Variants in COL14A1 observed in about 807,000 individuals in gnomAD.
COL14A1 encodes collagen alpha-1(XIV) chain.
A neutral mutation model predicts 230.3 loss-of-function variants in COL14A1; 136 were observed. That is an observed-to-expected ratio of 0.59 (90% confidence interval 0.51 to 0.68). The LOEUF is 0.68. Among genes scored for constraint, COL14A1 ranks in the 30% least tolerant of loss-of-function variants. The pLI is 0.00. For synonymous variants in COL14A1, 792 were observed against 784.1 expected (o/e 1.01, Z -0.17); for missense variants, 1,976 against 2,215.8 (o/e 0.89, Z 2.17).
At chr8:120,245,396 G>A (rs189698794) in intron 20 of COL14A1, among the ~76,000 whole-genome samples, 17 of 152,234 alleles carry the variant, frequency 1.1e-4, no homozygotes, top group East Asian at 7.7e-4. Flanking sequence ...CAGAGGAGGC[G>A]TCATGCAACG....
At chr8:120,136,584 TA>T (rs958760388) in intron 1 of COL14A1, among the ~76,000 whole-genome samples, 34 of 152,166 alleles carry the variant, frequency 2.2e-4, no homozygotes, top group Non-Finnish European at 1.0e-4. Context: ...TATTTGATAA[TA>T]TTTTGTGAAA....
intron 42 of COL14A1, among the ~76,000 whole-genome samples, chr8:120,333,962 C>A (rs552907461): frequency 2.7e-4 from 41 of 152,286 alleles, no homozygotes; most frequent in African/African-American, 9.9e-4. Flanking sequence ...TAGATAATTC[C>A]CAGATCCTTA....
intron 5 of COL14A1, among the ~76,000 whole-genome samples, chr8:120,193,158 T>C (rs929180394): frequency 9.2e-5 from 14 of 152,232 alleles, no homozygotes; most frequent in Admixed American, 9.2e-4. Flanking sequence ...TGCTCTGTTT[T>C]TTCCCCATCT....
chr8:120,329,695 C>T (rs1821803856), intron 40 of COL14A1, among the ~76,000 whole-genome samples: 1 of 152,006 alleles, frequency 6.6e-6, no homozygotes, highest in South Asian at 2.1e-4. Flanking sequence ...TGTGTGTGTG[C>T]AAAGTAATCT....
At chr8:120,302,968 G>A (rs1820761727) in intron 36 of COL14A1, among the ~76,000 whole-genome samples, 1 of 152,132 alleles carries the variant, frequency 6.6e-6, no homozygotes, top group East Asian at 1.9e-4. Flanking sequence ...CTAGTTAGCT[G>A]TATTCCTAGG....
intron 14 of COL14A1, among the ~76,000 whole-genome samples, chr8:120,221,400 G>A (rs957340913): frequency 6.6e-6 from 1 of 151,938 alleles, no homozygotes; most frequent in African/African-American, 2.4e-5. Flanking sequence ...GGGACTAATC[G>A]TTTAAAACAT....
intron 37 of COL14A1, among the ~76,000 whole-genome samples, chr8:120,312,779 C>T (rs2130098320): frequency 6.6e-6 from 1 of 152,242 alleles, no homozygotes; most frequent in Non-Finnish European, 1.5e-5. Flanking sequence ...CATTATCTAC[C>T]CACACTTTAC....
At chr8:120,282,340 C>T (rs970165177) in intron 31 of COL14A1, among the ~76,000 whole-genome samples, 9 of 152,170 alleles carry the variant, frequency 5.9e-5, no homozygotes, top group Non-Finnish European at 1.0e-4. Flanking sequence ...CAGACTCGCA[C>T]GCTAATATCC....
At chr8:120,246,465 T>C (rs912709371) in intron 20 of COL14A1, among the ~76,000 whole-genome samples, 2 of 150,598 alleles carry the variant, frequency 1.3e-5, no homozygotes, top group Non-Finnish European at 2.9e-5. Context: ...CATATGTTGG[T>C]ATGTTGCTGC....
chr8:120,216,311 T>A, intron 13 of COL14A1, 40 bp from the exon 14 acceptor site: 1 of 1,562,488 alleles, frequency 6.4e-7, no homozygotes, highest in Non-Finnish European at 8.7e-7. Flanking sequence ...ATGTATGTAA[T>A]TTGACATTTT....
intron 2 of COL14A1, among the ~76,000 whole-genome samples, chr8:120,151,877 C>T (rs1390683008): frequency 3.3e-5 from 5 of 152,080 alleles, no homozygotes; most frequent in Non-Finnish European, 4.4e-5. Flanking sequence ...GGAGATAGGG[C>T]AGCCAGTGTC....
chr8:120,177,603 C>A, intron 5 of COL14A1, among the ~76,000 whole-genome samples: 1 of 137,360 alleles, frequency 7.3e-6, no homozygotes, highest in African/African-American at 2.7e-5. Flanking sequence ...GAGCTGAGAT[C>A]GTGCCACTGC....
chr8:120,184,654 G>A (rs1322505586), intron 5 of COL14A1, among the ~76,000 whole-genome samples: 1 of 152,162 alleles, frequency 6.6e-6, no homozygotes, highest in Admixed American at 6.5e-5. Context: ...TGACCATGTA[G>A]TTTCAGTTCA....
intron 15 of COL14A1, 38 bp from the exon 16 acceptor site, chr8:120,226,589 C>T (rs1162148448): frequency 1.9e-6 from 3 of 1,609,302 alleles, no homozygotes; most frequent in East Asian, 2.2e-5. Flanking sequence ...TTCTTGCCTT[C>T]TCATTTCCCT....
chr8:120,362,677 G>A (rs78382705), intron 45 of COL14A1, among the ~76,000 whole-genome samples: 2 of 152,128 alleles, frequency 1.3e-5, no homozygotes, highest in African/African-American at 4.8e-5. Context: ...TGTACAATGA[G>A]CAAGGCTATG....
chr8:120,363,089 C>A (rs1586900120), intron 45 of COL14A1, among the ~76,000 whole-genome samples: 1 of 152,242 alleles, frequency 6.6e-6, no homozygotes. Context: ...AAGCTTCAGC[C>A]TAAGGAATTT....
At chr8:120,247,552 T>G in intron 20 of COL14A1, 61 bp from the exon 21 acceptor site, 1 of 1,530,968 alleles carries the variant, frequency 6.5e-7, no homozygotes, top group African/African-American at 1.4e-5. Context: ...ATGGCATCAG[T>G]GTAGGACATA....
chr8:120,233,890 T>C (rs767720723), intron 19 of COL14A1, among the ~76,000 whole-genome samples: 18 of 152,358 alleles, frequency 1.2e-4, no homozygotes, highest in East Asian at 3.9e-4. Flanking sequence ...TAACATTGAA[T>C]CTACAAATTA....
chr8:120,341,362 T>C lies in COL14A1; in HGVS notation c.4821+2T>C. On this transcript the variant is annotated splice_donor_variant, in intron 43 of 47. Coordinates refer to ENST00000297848, the MANE Select transcript of COL14A1 (RefSeq NM_021110.4). LOFTEE classifies it high-confidence loss of function. ...GCAAAGGGGGAACGAGGAGAGCGGG[T>C]AAGTATCCTGTGGCTCTGCTTTCTG... 2 of 1,614,126 alleles carry C rather than the reference T, an allele frequency of 1.2e-6. No homozygotes were observed. The highest frequency in any genetic ancestry group is 1.7e-6 in the Non-Finnish European group (2 of 1,180,012).
Sources: allele counts gnomAD v4.1 joint callset (sites outside exome capture counted in the v4.1 genomes callset), GRCh38; gene constraint gnomAD v4.1.1; transcripts MANE v1.5; gene names NCBI Gene and HGNC (gene_info 2026-07-23, HGNC 2026-07-21).